Variants in CSMD1 observed in about 807,000 individuals in gnomAD.
CSMD1 encodes the protein CUB and Sushi multiple domains 1.
Under a neutral mutation model 417.5 loss-of-function variants are expected in CSMD1, and 213 were observed. The ratio of observed to expected loss-of-function variants is 0.51; its 90% CI spans 0.46 to 0.57. The LOEUF (loss-of-function observed/expected upper bound fraction) is 0.57. Ranked by LOEUF, CSMD1 falls within the 20% of genes least tolerant of loss-of-function variation. The pLI is 0.00. For missense variants in CSMD1, 6,923 were observed against 4,529.7 expected, an observed-to-expected ratio of 1.53 and a Z score of -15.17; for synonymous variants, 2,862 against 1,736.8, an observed-to-expected ratio of 1.65 and a Z score of -16.11.
intron 1 of CSMD1, among the ~76,000 whole-genome samples, chr8:4,910,314 C>G (rs557553193): frequency 6.6e-6 from 1 of 152,250 alleles, no homozygotes; most frequent in South Asian, 2.1e-4. Flanking sequence ...ACTTTATAAG[C>G]TTTTTCTGTC....
At chr8:4,117,039 G>C (rs553605482) in intron 3 of CSMD1, among the ~76,000 whole-genome samples, 2 of 151,678 alleles carry the variant, frequency 1.3e-5, no homozygotes, top group East Asian at 3.9e-4. Flanking sequence ...TTCGCAGTTT[G>C]GAAACTGTCA....
At chr8:4,059,356 G>A (rs537435105) in intron 3 of CSMD1, among the ~76,000 whole-genome samples, 104 of 152,180 alleles carry the variant, frequency 6.8e-4, no homozygotes, top group Non-Finnish European at 1.3e-3. Context: ...ATCCAAAATG[G>A]ACACCCTAAC....
intron 1 of CSMD1, among the ~76,000 whole-genome samples, chr8:4,879,694 G>A (rs1803272949): frequency 6.6e-6 from 1 of 151,616 alleles, no homozygotes; most frequent in African/African-American, 2.4e-5. Flanking sequence ...CGGGAGAGGT[G>A]GAGCACTGCG....
At chr8:4,803,233 A>G (rs910472030) in intron 1 of CSMD1, among the ~76,000 whole-genome samples, 1 of 152,212 alleles carries the variant, frequency 6.6e-6, no homozygotes, top group Non-Finnish European at 1.5e-5. Context: ...ACTTTTGAAT[A>G]TAAATTCATG....
Position 3,968,103 on chromosome 8 carries a change from C to T in CSMD1, c.818+29800G>A, listed in dbSNP as rs376365768. 6.0e-5 allele frequency among the ~76,000 whole-genome samples: 9 copies of T among 151,172 alleles called. No individual in the cohort carries two copies. In the East Asian group the frequency reaches 1.4e-3, roughly 23 times the overall value. Reference sequence around the variant, plus strand: ...TCGGCAGGCTGAGGCAGGAGAATGGCGTGAACCCGGGAGGCAGAGCTTGCA... The same window carrying T: ...TCGGCAGGCTGAGGCAGGAGAATGGTGTGAACCCGGGAGGCAGAGCTTGCA... On this transcript the variant is annotated intron_variant, in intron 5 of 69. Coordinates refer to ENST00000635120, the MANE Select transcript of CSMD1 (RefSeq NM_033225.6).
chr8:3,163,648 A>C (rs1820032736), intron 37 of CSMD1, among the ~76,000 whole-genome samples: 1 of 152,066 alleles, frequency 6.6e-6, no homozygotes, highest in African/African-American at 2.4e-5. Context: ...GTGCAAAGAT[A>C]AAATGATTAA....
At chr8:3,566,546 T>C (rs994889762) in intron 10 of CSMD1, among the ~76,000 whole-genome samples, 3 of 150,644 alleles carry the variant, frequency 2.0e-5, no homozygotes, top group Middle Eastern at 3.4e-3. Flanking sequence ...CCTTTGTCCA[T>C]AGAGGATGTG....
intron 2 of CSMD1, among the ~76,000 whole-genome samples, chr8:4,598,470 G>T (rs1306839503): frequency 6.6e-6 from 1 of 152,166 alleles, no homozygotes; most frequent in Non-Finnish European, 1.5e-5. Flanking sequence ...ATTAGTGATG[G>T]TGGCTGATGG....
chr8:4,624,732 G>A (rs1216214014), intron 2 of CSMD1, among the ~76,000 whole-genome samples: 1 of 152,076 alleles, frequency 6.6e-6, no homozygotes, highest in Non-Finnish European at 1.5e-5. Flanking sequence ...CACCTGCTCT[G>A]TTTCGCTGAT....
At chr8:3,284,477 G>A in intron 25 of CSMD1, 131 bp from the exon 26 acceptor site, 4 of 667,026 alleles carry the variant, frequency 6.0e-6, no homozygotes, top group Non-Finnish European at 1.0e-5. Context: ...CTTACTGTCT[G>A]ACAATGAAGG....
At chr8:4,359,840 G>A (rs1382710779) in intron 3 of CSMD1, among the ~76,000 whole-genome samples, 1 of 152,224 alleles carries the variant, frequency 6.6e-6, no homozygotes. Context: ...ACTGTCGGAA[G>A]CAAGACTCAG....
chr8:3,215,022 C>G (rs1329870692), intron 29 of CSMD1, among the ~76,000 whole-genome samples: 1 of 152,080 alleles, frequency 6.6e-6, no homozygotes, highest in Non-Finnish European at 1.5e-5. Context: ...GATTTTAGGA[C>G]TGAATCAAAG....
At chr8:3,851,932 G>T (rs376688015) in intron 5 of CSMD1, among the ~76,000 whole-genome samples, 2 of 152,142 alleles carry the variant, frequency 1.3e-5, no homozygotes, top group African/African-American at 2.4e-5. Flanking sequence ...CCTGAGCATT[G>T]AAGAATATGT....
At chr8:4,732,342 T>TGC (rs1450839993) in intron 1 of CSMD1, among the ~76,000 whole-genome samples, 2 of 110,144 alleles carry the variant, frequency 1.8e-5, no homozygotes, top group East Asian at 5.3e-4. Flanking sequence ...AAATTTCTTC[T>TGC]GCGTGTGTGT....
chr8:3,225,354 A>G (rs1377711661), intron 27 of CSMD1, among the ~76,000 whole-genome samples: 2 of 152,052 alleles, frequency 1.3e-5, no homozygotes, highest in African/African-American at 4.8e-5. Context: ...TATAATTTTT[A>G]CAGAAAAAGA....
chr8:4,950,055 T>C (rs1383605251), intron 1 of CSMD1, among the ~76,000 whole-genome samples: 1 of 152,084 alleles, frequency 6.6e-6, no homozygotes, highest in African/African-American at 2.4e-5. Context: ...GGGAAGAACC[T>C]AGAAATAATA....
intron 6 of CSMD1, among the ~76,000 whole-genome samples, chr8:3,709,680 G>GTTTTTTTTTTTTTGTTTTTTTT (rs1801388578): frequency 3.0e-5 from 1 of 33,694 alleles, no homozygotes; most frequent in Non-Finnish European, 5.7e-5. Flanking sequence ...GCAGCAGCAT[G>GTTTTTTTTTTTTTGTTTTTTTT]TTTTTTTTTT....
At chr8:4,762,037 G>A (rs1161006157) in intron 1 of CSMD1, among the ~76,000 whole-genome samples, 1 of 151,786 alleles carries the variant, frequency 6.6e-6, no homozygotes, top group Admixed American at 6.6e-5. Flanking sequence ...TTAAGACTCA[G>A]GATACTGATT....
chr8:4,128,505 A>G (rs3902137), intron 3 of CSMD1, among the ~76,000 whole-genome samples: 194 of 152,162 alleles, frequency 1.3e-3, no homozygotes, highest in African/African-American at 4.4e-3. Context: ...CAAACAAACA[A>G]ACACATTGCT....
Sources: allele counts gnomAD v4.1 joint callset (sites outside exome capture counted in the v4.1 genomes callset), GRCh38; gene constraint gnomAD v4.1.1; transcripts MANE v1.5; gene names NCBI Gene and HGNC (gene_info 2026-07-23, HGNC 2026-07-21).